DAB1: variants seen among roughly 807,000 people sequenced by gnomAD.
DAB1 encodes disabled homolog 1.
Under a neutral mutation model 64.6 loss-of-function variants are expected in DAB1, and 15 were observed. The ratio of observed to expected loss-of-function variants is 0.23; its 90% CI spans 0.16 to 0.36. The LOEUF is 0.36. DAB1 is among the 10% of genes least tolerant of loss of function. The pLI, the probability that DAB1 is intolerant of heterozygous loss-of-function variation, is 1.00. For missense variants in DAB1, 596 were observed against 706.7 expected, an observed-to-expected ratio of 0.84 and a Z score of 1.78; for synonymous variants, 235 against 251.9, an observed-to-expected ratio of 0.93 and a Z score of 0.64.
chr1:57,170,969 G>A (rs1053353074), intron 2 of DAB1, among the ~76,000 whole-genome samples: 3 of 152,170 alleles, frequency 2.0e-5, no homozygotes, highest in Non-Finnish European at 4.4e-5. Flanking sequence ...AACACTTGAA[G>A]GAGTGGAGAT....
chr1:57,696,580 A>T (rs925349819), intron 6 of DAB1, among the ~76,000 whole-genome samples: 2 of 152,030 alleles, frequency 1.3e-5, no homozygotes, highest in Admixed American at 1.3e-4. Context: ...GCTGGCCAAC[A>T]CTCTCAGCAC....
chr1:57,611,538 G>A (rs1328716476), intron 7 of DAB1, among the ~76,000 whole-genome samples: 1 of 152,176 alleles, frequency 6.6e-6, no homozygotes, highest in African/African-American at 2.4e-5. Flanking sequence ...TAGTGTTGCA[G>A]GACACCTATC....
chr1:57,732,880 G>A (rs537404806), intron 6 of DAB1, among the ~76,000 whole-genome samples: 20 of 152,308 alleles, frequency 1.3e-4, no homozygotes, highest in African/African-American at 4.3e-4. Flanking sequence ...TTGTGAAGAA[G>A]GAACCTATTC....
At chr1:58,458,045 TG>T (rs534042772) in intron 3 of DAB1, among the ~76,000 whole-genome samples, 87 of 152,380 alleles carry the variant, frequency 5.7e-4, no homozygotes, top group African/African-American at 2.0e-3. Flanking sequence ...ATATGCCATT[TG>T]ATCCAAACAG....
chr1:57,028,231 C>T (rs977512892), intron 9 of DAB1, among the ~76,000 whole-genome samples: 1 of 152,160 alleles, frequency 6.6e-6, no homozygotes, highest in Non-Finnish European at 1.5e-5. Flanking sequence ...GTGAATAAGT[C>T]TCACAAGATC....
intron 7 of DAB1, among the ~76,000 whole-genome samples, chr1:57,609,056 T>C (rs2101598857): frequency 6.6e-6 from 1 of 152,288 alleles, no homozygotes; most frequent in East Asian, 1.9e-4. Flanking sequence ...TTTAGCCGGG[T>C]CCAACTCCCT....
intron 4 of DAB1, among the ~76,000 whole-genome samples, chr1:58,205,839 T>C (rs1453867635): frequency 1.3e-5 from 2 of 152,218 alleles, no homozygotes; most frequent in Non-Finnish European, 2.9e-5. Flanking sequence ...CCCTGTCTGA[T>C]GCTTCCTCCT....
intron 4 of DAB1, among the ~76,000 whole-genome samples, chr1:58,317,589 G>A (rs574356282): frequency 1.1e-3 from 167 of 152,328 alleles, no homozygotes; most frequent in African/African-American, 3.9e-3. Context: ...AGCCAGCAAG[G>A]AACCAAGGAC....
At chr1:57,924,626 A>ATTT (rs34750244) in intron 5 of DAB1, among the ~76,000 whole-genome samples, 20 of 131,790 alleles carry the variant, frequency 1.5e-4, no homozygotes, top group South Asian at 2.5e-4. Flanking sequence ...CACTTGGCTA[A>ATTT]TTTTTTTTTT....
At chr1:57,329,680 A>C (rs1268329) in intron 1 of DAB1, among the ~76,000 whole-genome samples, 54,300 of 141,484 alleles carry the variant, frequency 0.38, 11,930 homozygotes, top group Non-Finnish European at 0.5. Context: ...AAAAAAAAAA[A>C]CCCACAAAAC....
chr1:58,062,422 A>G (rs1358397429), intron 5 of DAB1, among the ~76,000 whole-genome samples: 1 of 152,254 alleles, frequency 6.6e-6, no homozygotes, highest in Non-Finnish European at 1.5e-5. Flanking sequence ...TTCAAATGGT[A>G]GAATCCCATG....
At chr1:58,366,181 C>T (rs971386826) in intron 3 of DAB1, among the ~76,000 whole-genome samples, 2 of 152,182 alleles carry the variant, frequency 1.3e-5, no homozygotes, top group Admixed American at 1.3e-4. Flanking sequence ...TTCATTCTCA[C>T]AGTGACCGAT....
At chr1:58,466,630 T>C (rs696297) in intron 3 of DAB1, among the ~76,000 whole-genome samples, 24 of 152,228 alleles carry the variant, frequency 1.6e-4, no homozygotes, top group African/African-American at 5.3e-4. Flanking sequence ...AGGCTGCCGT[T>C]TCTTGAAAGG....
intron 4 of DAB1, among the ~76,000 whole-genome samples, chr1:58,193,594 G>A (rs967073574): frequency 3.9e-5 from 6 of 152,102 alleles, no homozygotes; most frequent in Admixed American, 2.0e-4. Context: ...AGTGGCTCAC[G>A]CCTATAATCC....
chr1:58,419,677 G>A lies in DAB1; in HGVS notation n.258-76274C>T, dbSNP rs750248099. 1.9e-4 allele frequency among the ~76,000 whole-genome samples: 29 copies of A among 152,134 alleles called. 1 individual carries two copies. Among genetic ancestry groups the A allele is most frequent in the Non-Finnish European group, 2.9e-4 (20 of 68,022 alleles). On this transcript the variant is annotated intron_variant and non_coding_transcript_variant, in intron 3 of 20. Coordinates refer to the DAB1 transcript ENST00000485760. ...TCCCCGTAGGTGTAGCCATTCAAAC[G>A]CCCAATTTGAGGACTGGACAGTGGG...
At chr1:57,997,540 A>C (rs1749776) in intron 5 of DAB1, among the ~76,000 whole-genome samples, 65,436 of 151,896 alleles carry the variant, frequency 0.43, 14,551 homozygotes, top group East Asian at 0.63. Flanking sequence ...TCTTCCAAGG[A>C]GGCAAGGTTT....
At chr1:58,144,585 T>C (rs1654484413) in intron 5 of DAB1, among the ~76,000 whole-genome samples, 1 of 152,236 alleles carries the variant, frequency 6.6e-6, no homozygotes, top group Admixed American at 6.5e-5. Flanking sequence ...TTTACATAAA[T>C]GAAAACCGAA....
chr1:57,405,706 T>C (rs1683579974), intron 1 of DAB1, among the ~76,000 whole-genome samples: 1 of 152,190 alleles, frequency 6.6e-6, no homozygotes, highest in Non-Finnish European at 1.5e-5. Flanking sequence ...CCACCCACAC[T>C]GTTTCACCCA....
chr1:57,101,956 G>A lies in DAB1; in HGVS notation c.307-29542C>T, dbSNP rs146669832. On this transcript the variant is annotated intron_variant, in intron 4 of 14. Coordinates refer to ENST00000371236, the MANE Select transcript of DAB1 (RefSeq NM_001365792.1). The stretch of plus-strand genomic sequence containing the variant: ...CTAAAGCCATTGAGCTAGTATGCTG[G>A]TGGAGCTGAGATTTGAATCCAGGCT... 2.9e-3 allele frequency among the ~76,000 whole-genome samples: 436 copies of A among 152,288 alleles called. 4 individuals are homozygous for A. The highest frequency in any genetic ancestry group is 9.9e-3 in the African/African-American group (413 of 41,560).
Sources: allele counts gnomAD v4.1 joint callset (sites outside exome capture counted in the v4.1 genomes callset), GRCh38; gene constraint gnomAD v4.1.1; transcripts MANE v1.5; gene names NCBI Gene and HGNC (gene_info 2026-07-23, HGNC 2026-07-21).